The following ABLIM2 variants were observed in gnomAD, a reference collection of about 807,000 sequenced individuals.
ABLIM2 encodes actin binding LIM protein family member 2.
In ABLIM2, 53 loss-of-function variants were observed where a neutral mutation model predicts 97.7. The ratio of observed to expected loss-of-function variants is 0.54; its 90% CI spans 0.44 to 0.68. The LOEUF is 0.68. ABLIM2 is among the 30% of genes least tolerant of loss of function. The pLI, the probability that ABLIM2 is intolerant of heterozygous loss-of-function variation, is 0.00. For synonymous variants in ABLIM2, 361 were observed against 345.8 expected (o/e 1.04, Z -0.49); for missense variants, 835 against 867.2 (o/e 0.96, Z 0.47).
chr4:8,092,844 T>C (rs4696751), intron 3 of ABLIM2, among the ~76,000 whole-genome samples: 38,915 of 152,110 alleles, frequency 0.26, 5,225 homozygotes, highest in East Asian at 0.32. Flanking sequence ...AACTCTTTTG[T>C]CCATTTTTTT....
rs992371050 is a variant in ABLIM2 at position 8,155,855 on chromosome 4, A to G, written c.10+2825T>C. On this transcript the variant is annotated intron_variant, in intron 1 of 20. Transcript: ENST00000447017. The surrounding 1 kb of genome is among the most constrained non-coding windows in gnomAD (Gnocchi z 4.2). ...ACGGGGCGAGGACACAGACACACACAAAGGGAAGACGGGGCGAGGACACAG... is the reference window on the plus strand; with the variant it reads ...ACGGGGCGAGGACACAGACACACACGAAGGGAAGACGGGGCGAGGACACAG... Among the ~76,000 whole-genome samples the G allele has an allele frequency of 6.6e-6, 1 of 152,020 alleles. No homozygotes were observed. Among genetic ancestry groups the G allele is most frequent in the East Asian group, 1.9e-4 (1 of 5,168 alleles).
chr4:8,153,387 G>T (rs1192402512), intron 1 of ABLIM2, among the ~76,000 whole-genome samples: 2 of 152,194 alleles, frequency 1.3e-5, no homozygotes, highest in African/African-American at 4.8e-5. Flanking sequence ...ATCTTGAGTG[G>T]CCAGGTTAGG....
At chr4:8,133,352 G>A (rs1448168724) in intron 1 of ABLIM2, among the ~76,000 whole-genome samples, 4 of 151,644 alleles carry the variant, frequency 2.6e-5, no homozygotes, top group East Asian at 3.9e-4. Flanking sequence ...CCTACACCCC[G>A]GGTGCCCTGG....
At position 8,155,027 on chromosome 4, in the gene ABLIM2, C is replaced by A. The variant is rs181091160; in HGVS notation, c.10+3653G>T. ...ACCATGAGAACAGTATGGGGGAAAC[C>A]ACCCCTGTGATTCAATTATCTCCAC... is the stretch of plus-strand genomic sequence containing the variant. On this transcript the variant is annotated intron_variant, in intron 1 of 20. Transcript: ENST00000447017. The surrounding 1 kb of genome is among the most constrained non-coding windows in gnomAD (Gnocchi z 4.2). Among the ~76,000 whole-genome samples the A allele has an allele frequency of 3.7e-3, 556 of 152,310 alleles. 5 individuals are homozygous for A. Among genetic ancestry groups the A allele is most frequent in the African/African-American group, 0.013 (528 of 41,564 alleles).
At chr4:8,108,206 C>A (rs1234150494) in intron 1 of ABLIM2, among the ~76,000 whole-genome samples, 3 of 152,254 alleles carry the variant, frequency 2.0e-5, no homozygotes, top group Non-Finnish European at 4.4e-5. Context: ...AGGCACCAAG[C>A]CCCTCCCCTC....
At chr4:8,115,473 C>A (rs1842407799) in intron 1 of ABLIM2, among the ~76,000 whole-genome samples, 1 of 152,196 alleles carries the variant, frequency 6.6e-6, no homozygotes, top group Non-Finnish European at 1.5e-5. Context: ...TGCCTGAACC[C>A]TAAGATGTGC....
chr4:8,126,033 C>T (rs1847746125), intron 1 of ABLIM2, among the ~76,000 whole-genome samples: 1 of 152,312 alleles, frequency 6.6e-6, no homozygotes, highest in South Asian at 2.1e-4. Context: ...CCTCCAAGCC[C>T]CACGGTGAGG....
In ABLIM2 at chr4:7,992,110, C is replaced by T. The variant is rs978339086; in HGVS notation, c.1680+756G>A. Among the ~76,000 whole-genome samples the T allele has an allele frequency of 2.0e-5, 3 of 152,078 alleles. No homozygotes were observed. Among genetic ancestry groups the T allele is most frequent in the African/African-American group, 4.8e-5 (2 of 41,412 alleles). ...GTCTGTGTGTTGGGGGGTCTGGGACCAGCAAGCCTGCCCCACCCTAAGGAT... is the reference window on the plus strand; with the variant it reads ...GTCTGTGTGTTGGGGGGTCTGGGACTAGCAAGCCTGCCCCACCCTAAGGAT... On this transcript the variant is annotated intron_variant, in intron 17 of 20. Coordinates refer to ENST00000447017, the MANE Select transcript of ABLIM2 (RefSeq NM_001130083.2). The surrounding 1 kb of genome is among the most constrained non-coding windows in gnomAD (Gnocchi z 5.7).
intron 1 of ABLIM2, among the ~76,000 whole-genome samples, chr4:8,116,979 G>A (rs1342996296): frequency 6.6e-6 from 1 of 152,218 alleles, no homozygotes; most frequent in African/African-American, 2.4e-5. Flanking sequence ...GACAGTAGGA[G>A]AGGGGACTCA....
intron 1 of ABLIM2, among the ~76,000 whole-genome samples, chr4:8,115,674 C>T (rs767035411): frequency 2.1e-4 from 32 of 152,208 alleles, no homozygotes; most frequent in Non-Finnish European, 4.3e-4. Context: ...TCAAAGGTGA[C>T]GATCACAACA....
intron 3 of ABLIM2, among the ~76,000 whole-genome samples, chr4:8,089,290 G>A (rs917924928): frequency 2.0e-5 from 3 of 152,178 alleles, no homozygotes; most frequent in African/African-American, 7.2e-5. Context: ...AGCACAGCCT[G>A]AGAATGCTGC....
intron 1 of ABLIM2, among the ~76,000 whole-genome samples, chr4:8,146,601 G>A (rs1851832233): frequency 1.3e-5 from 2 of 152,194 alleles, no homozygotes; most frequent in Non-Finnish European, 1.5e-5. Flanking sequence ...GTGCAGTGGT[G>A]CAATCATGGC....
rs1219040136 is a variant in ABLIM2, at chr4:8,015,332, G to T, written c.1423+4286C>A. 6.6e-6 allele frequency among the ~76,000 whole-genome samples: 1 copy of T among 151,900 alleles called. No individual in the cohort carries two copies. The highest frequency in any genetic ancestry group is 2.4e-5 in the African/African-American group (1 of 41,324). The stretch of plus-strand genomic sequence containing the variant: ...TTCCTTCAGAGCCCCAAAATGCGTC[G>T]GCCATGAGGAACCCTCTAGGGAGAG... On this transcript the variant is annotated intron_variant, in intron 14 of 20. Coordinates refer to ENST00000447017, the MANE Select transcript of ABLIM2 (RefSeq NM_001130083.2). This position sits in a 1 kb window ranked among gnomAD's most constrained non-coding sequence, Gnocchi z 4.6.
intron 10 of ABLIM2, among the ~76,000 whole-genome samples, chr4:8,034,158 C>T (rs1462059062): frequency 6.6e-6 from 1 of 152,168 alleles, no homozygotes; most frequent in Non-Finnish European, 1.5e-5. Flanking sequence ...AGACGCGAGT[C>T]CTCACGGACT....
chr4:8,047,466 C>T (rs1046774614), intron 8 of ABLIM2, among the ~76,000 whole-genome samples: 2 of 152,154 alleles, frequency 1.3e-5, no homozygotes, highest in Non-Finnish European at 2.9e-5. Flanking sequence ...GTGCAACACA[C>T]CAGGTGGGCA....
chr4:8,039,075 T>C (rs1786414048), intron 9 of ABLIM2, among the ~76,000 whole-genome samples: 1 of 152,156 alleles, frequency 6.6e-6, no homozygotes, highest in Non-Finnish European at 1.5e-5. Flanking sequence ...ATCTGTTGAG[T>C]TGTCCCTTAT....
In ABLIM2 at chr4:8,150,942, AG is replaced by A. The variant is rs1393241093; in HGVS notation, c.10+7737del. On this transcript the variant is annotated intron_variant, in intron 1 of 20. Coordinates refer to ENST00000447017, the MANE Select transcript of ABLIM2 (RefSeq NM_001130083.2). This position sits in a 1 kb window ranked among gnomAD's most constrained non-coding sequence, Gnocchi z 6.3. ...CGTCAGGTTTGTCCCTGAGCTGTGA[AG>A]GGTATTTACAGCTGTGACAAAGGCC... Among the ~76,000 whole-genome samples, 1 of 152,144 alleles carries A rather than the reference AG, an allele frequency of 6.6e-6. No individual in the cohort carries two copies.
At position 8,072,406 on chromosome 4, in the gene ABLIM2, C is replaced by T. The variant is rs112343376; in HGVS notation, c.675+5222G>A. ...CAGCCCCAGTTTGGGTGGGGTCTGC[C>T]CCCGACCCCAGGCCAGGGCCTCTCT... On this transcript the variant is annotated intron_variant, in intron 6 of 20. Coordinates refer to ENST00000447017, the MANE Select transcript of ABLIM2 (RefSeq NM_001130083.2). This position sits in a 1 kb window ranked among gnomAD's most constrained non-coding sequence, Gnocchi z 5.8. Among the ~76,000 whole-genome samples the T allele has an allele frequency of 3.3e-5, 5 of 152,198 alleles. No homozygotes were observed. The highest frequency in any genetic ancestry group is 1.2e-4 in the African/African-American group (5 of 41,462).
chr4:7,993,424 C>G (rs1750562305), intron 16 of ABLIM2, among the ~76,000 whole-genome samples: 1 of 152,250 alleles, frequency 6.6e-6, no homozygotes, highest in African/African-American at 2.4e-5. Context: ...TGGCTCATGC[C>G]TGTAATCTTA....
Sources: gnomAD v4.1 joint callset for allele counts (sites outside exome capture counted in the v4.1 genomes callset) on GRCh38, gnomAD v4.1.1 for gene constraint, Gnocchi (gnomAD v3.1) non-coding constraint, MANE v1.5 for transcripts, NCBI Gene and HGNC (gene_info 2026-07-23, HGNC 2026-07-21) for gene names.